ITPR2: variants seen among roughly 807,000 people sequenced by gnomAD.
The protein encoded by ITPR2 is inositol 1,4,5-trisphosphate-gated calcium channel ITPR2.
In ITPR2, 207 loss-of-function variants were observed where a neutral mutation model predicts 317.1. The observed-to-expected ratio is 0.65, with a 90% CI of 0.58 to 0.73. ITPR2 has a LOEUF of 0.73. ITPR2 is among the 30% of genes least tolerant of loss of function. ITPR2 has a pLI of 0.00. For missense variants in ITPR2, 2,613 were observed against 3,284.0 expected, an observed-to-expected ratio of 0.80 and a Z score of 4.99; for synonymous variants, 1,156 against 1,149.1, an observed-to-expected ratio of 1.01 and a Z score of -0.12.
At chr12:26,549,420 C>T (rs1186379664) in intron 37 of ITPR2, among the ~76,000 whole-genome samples, 2 of 152,122 alleles carry the variant, frequency 1.3e-5, no homozygotes, top group African/African-American at 4.8e-5. Flanking sequence ...CCAACCACTA[C>T]AATCTTTCTG....
chr12:26,482,622 T>C (rs541870833), intron 42 of ITPR2, among the ~76,000 whole-genome samples: 7 of 152,274 alleles, frequency 4.6e-5, no homozygotes, highest in Non-Finnish European at 4.4e-5. Flanking sequence ...CCCAGAAAAA[T>C]GCAGGGAAAA....
intron 35 of ITPR2, among the ~76,000 whole-genome samples, chr12:26,561,503 G>A (rs1462954702): frequency 6.6e-6 from 1 of 152,020 alleles, no homozygotes; most frequent in Non-Finnish European, 1.5e-5. Flanking sequence ...TTGCTATTAT[G>A]ATCATTATTT....
intron 35 of ITPR2, 77 bp from the exon 36 acceptor site, chr12:26,556,452 G>T: frequency 7.2e-7 from 1 of 1,380,580 alleles, no homozygotes; most frequent in Non-Finnish European, 9.9e-7. Context: ...ACAAGCTCAA[G>T]AATACTAATG....
chr12:26,800,176 T>C (rs1307284235), intron 1 of ITPR2, among the ~76,000 whole-genome samples: 2 of 152,208 alleles, frequency 1.3e-5, no homozygotes, highest in Non-Finnish European at 2.9e-5. Context: ...AGCTGTTTTT[T>C]ATATTTTGTC....
At chr12:26,341,074 T>C (rs969139872) in intron 55 of ITPR2, among the ~76,000 whole-genome samples, 2 of 152,158 alleles carry the variant, frequency 1.3e-5, no homozygotes, top group Admixed American at 6.5e-5. Flanking sequence ...TCTAACATCA[T>C]AGAATCACTA....
intron 4 of ITPR2, among the ~76,000 whole-genome samples, chr12:26,723,367 C>T (rs1034959295): frequency 6.6e-6 from 1 of 152,122 alleles, no homozygotes; most frequent in Non-Finnish European, 1.5e-5. Context: ...AATGGAAACC[C>T]TCATGGGCTG....
intron 21 of ITPR2, among the ~76,000 whole-genome samples, chr12:26,650,425 C>T (rs1199965539): frequency 1.3e-5 from 2 of 152,070 alleles, no homozygotes; most frequent in African/African-American, 4.8e-5. Context: ...AAGAGTGAAC[C>T]CCAATGTCAA....
intron 54 of ITPR2, among the ~76,000 whole-genome samples, chr12:26,391,188 C>T (rs1038532173): frequency 6.6e-6 from 1 of 152,136 alleles, no homozygotes; most frequent in South Asian, 2.1e-4. Context: ...TCTAAATATG[C>T]TATTATAATT....
chr12:26,806,987 T>C (rs567699996), intron 1 of ITPR2, among the ~76,000 whole-genome samples: 3 of 152,168 alleles, frequency 2.0e-5, no homozygotes, highest in South Asian at 2.1e-4. Flanking sequence ...TATGCACTAT[T>C]AGACCAGCCT....
chr12:26,401,795 C>T (rs1940186169), intron 52 of ITPR2, among the ~76,000 whole-genome samples: 1 of 152,196 alleles, frequency 6.6e-6, no homozygotes, highest in Admixed American at 6.5e-5. Flanking sequence ...TCTGAGCCGA[C>T]TTTATTTTAA....
rs540844069 is a variant in ITPR2 at position 26,744,618 on chromosome 12, T to TA, written c.164-18854dup. 8.2e-3 allele frequency among the ~76,000 whole-genome samples: 1,243 copies of TA among 152,122 alleles called. 14 individuals are homozygous for TA. The highest frequency in any genetic ancestry group is 0.028 in the African/African-American group (1,165 of 41,514). On this transcript the variant is annotated intron_variant, in intron 2 of 56. Transcript: ENST00000381340. ...ATGAACACAGACATGAACATACGAA[T>TA]AAAAAAAACATTAGTTATATTAATT...
chr12:26,561,702 T>C, intron 35 of ITPR2, 60 bp downstream of exon 35: 1 of 1,286,806 alleles, frequency 7.8e-7, no homozygotes. Flanking sequence ...TTTATGTGAC[T>C]ACATATTTTT....
chr12:26,447,100 T>C (rs1371013897), intron 45 of ITPR2, among the ~76,000 whole-genome samples: 1 of 152,100 alleles, frequency 6.6e-6, no homozygotes, highest in Non-Finnish European at 1.5e-5. Flanking sequence ...CTTACTCATC[T>C]CTTTGTTCTC....
intron 55 of ITPR2, 22 bp from the exon 56 acceptor site, chr12:26,340,350 C>A: frequency 6.4e-7 from 1 of 1,571,924 alleles, no homozygotes; most frequent in South Asian, 1.2e-5. Flanking sequence ...TAAATGTGTG[C>A]GAACAAGGGA....
At chr12:26,821,066 T>C (rs1001779520) in intron 1 of ITPR2, among the ~76,000 whole-genome samples, 1 of 152,222 alleles carries the variant, frequency 6.6e-6, no homozygotes, top group East Asian at 1.9e-4. Context: ...GCAGTGATGG[T>C]TGCTCAACAT....
At chr12:26,560,572 G>T (rs1384827083) in intron 35 of ITPR2, among the ~76,000 whole-genome samples, 2 of 152,048 alleles carry the variant, frequency 1.3e-5, no homozygotes, top group Non-Finnish European at 2.9e-5. Context: ...CAGGTCTGCT[G>T]ACCCTGCCTT....
In ITPR2 at chr12:26,340,275, A is replaced by G; in HGVS notation, c.7911T>C (p.Asn2637=). ...TTTCATTTTGCTCACTGTCGCCTTC[A>G]TTGCTAACGAGGGACATGGCTCGCA... ...PRMRAMSLVS[N]EGDSEQNEIR... The change falls in exon 56 of 57, where the codon AAT becomes AAC. Residue 2637 remains asparagine (N), a synonymous_variant. Transcript: ENST00000381340. 1 of 1,611,042 alleles carries G rather than the reference A, an allele frequency of 6.2e-7. No homozygotes were observed. Among genetic ancestry groups the G allele is most frequent in the South Asian group, 1.1e-5 (1 of 90,024 alleles).
In ITPR2 at chr12:26,653,981, T is replaced by A; in HGVS notation, c.2735A>T (p.Asp912Val). Residue 912 changes from aspartate (D) to valine (V), a missense_variant, in exon 21 of 57, where the codon GAT becomes GTT. This residue lies in a region of ITPR2 where 817 missense variants were observed against 897.6 expected (regional missense o/e 0.91). Coordinates refer to ENST00000381340, the MANE Select transcript of ITPR2 (RefSeq NM_002223.4). ...SYFERLSKFQDGGNNVMRTIH... is the reference protein window; with the variant it reads ...SYFERLSKFQVGGNNVMRTIH... ...ACATTTCCCAAAATTCTTACCTCCA[T>A]CTTGAAATTTGCTTAATCTTTCAAA... 6.2e-7 allele frequency: 1 copy of A among 1,609,020 alleles called. No homozygotes were observed. Among genetic ancestry groups the A allele is most frequent in the Non-Finnish European group, 8.5e-7 (1 of 1,176,758 alleles).
At chr12:26,468,126 G>C (rs1328517749) in intron 45 of ITPR2, among the ~76,000 whole-genome samples, 1 of 152,082 alleles carries the variant, frequency 6.6e-6, no homozygotes, top group Non-Finnish European at 1.5e-5. Flanking sequence ...TCAAAACAAA[G>C]AATAGTTGCT....
Sources: allele counts gnomAD v4.1 joint callset (sites outside exome capture counted in the v4.1 genomes callset), GRCh38; gene constraint gnomAD v4.1.1; regional missense constraint gnomAD v4.1.1; transcripts MANE v1.5; gene names NCBI Gene and HGNC (gene_info 2026-07-23, HGNC 2026-07-21).